Variants in YIPF6 observed in about 807,000 individuals in gnomAD.
YIPF6 encodes the protein Yip1 domain family member 6.
In YIPF6, 3 loss-of-function variants were observed where a neutral mutation model predicts 16.8. That is an observed-to-expected ratio of 0.18 (90% CI 0.08 to 0.46). YIPF6 has a LOEUF of 0.46. YIPF6 is among the 20% of genes least tolerant of loss of function. YIPF6 has a pLI of 0.98. For synonymous variants in YIPF6, 67 were observed against 61.9 expected (o/e 1.08, Z -0.38); for missense variants, 145 against 184.9 (o/e 0.78, Z 1.25).
At chrX:68,531,288 C>G (rs757142254) in intron 6 of YIPF6, among the ~76,000 whole-genome samples, 1 of 110,781 alleles carries the variant, frequency 9.0e-6, no homozygotes, top group South Asian at 3.9e-4. Context: ...CCACACCTGG[C>G]TAATTTTTGT....
At chrX:68,500,403 C>T (rs2079036700) in intron 1 of YIPF6, among the ~76,000 whole-genome samples, 1 of 110,618 alleles carries the variant, frequency 9.0e-6, no homozygotes, top group Non-Finnish European at 1.9e-5. Flanking sequence ...GCAACCTCCA[C>T]CTCTGGGGTT....
Position 68,521,406 on chromosome X carries a change from G to A in YIPF6, c.343G>A (p.Asp115Asn). ...LQRDSADSEKDGGPQFAEVFV... is the reference protein window; with the variant it reads ...LQRDSADSEKNGGPQFAEVFV... ...AAGAGACTCTGCAGATAGTGAAAAA[G>A]ATGGAGGGCCCCAATTTGCAGAGGT... Residue 115 changes from aspartate (D) to asparagine (N), a missense_variant, in exon 5 of 7, where the codon GAT (aspartate) becomes AAT (asparagine). Physicochemically the swap from Asp to Asn is conservative, Grantham distance 23. Transcript: ENST00000462683. 2 of 1,211,158 alleles carry A rather than the reference G, an allele frequency of 1.7e-6. No individual in the cohort carries two copies. Among genetic ancestry groups the A allele is most frequent in the Non-Finnish European group, 1.1e-6 (1 of 895,206 alleles).
In YIPF6 at chrX:68,512,472, T is replaced by C. The variant is rs1244850382; in HGVS notation, c.186+495T>C. ...ATCTCAAAAAACAAAAAAAAGGTCTTAAAATGTCCAAATCTTTTTAAACCA... is the reference window on the plus strand; with the variant it reads ...ATCTCAAAAAACAAAAAAAAGGTCTCAAAATGTCCAAATCTTTTTAAACCA... On this transcript the variant is annotated intron_variant, in intron 2 of 6. Coordinates refer to ENST00000462683, the MANE Select transcript of YIPF6 (RefSeq NM_173834.4). Among the ~76,000 whole-genome samples the C allele has an allele frequency of 2.7e-5, 3 of 111,675 alleles. No homozygotes were observed. The South Asian group carries it at 1.1e-3, about 41-fold the overall frequency.
At chrX:68,521,676 G>A (rs998811260) in intron 5 of YIPF6, among the ~76,000 whole-genome samples, 179 bp downstream of exon 5, 4 of 108,210 alleles carry the variant, frequency 3.7e-5, no homozygotes, top group African/African-American at 6.8e-5. Flanking sequence ...CAGGCTCAGC[G>A]TCCCAAGTAG....
intron 6 of YIPF6, among the ~76,000 whole-genome samples, chrX:68,525,003 A>G (rs1188680196): frequency 8.9e-6 from 1 of 111,739 alleles, no homozygotes; most frequent in African/African-American, 3.3e-5. Context: ...AGTATTACCC[A>G]GTAATGGGAT....
At chrX:68,528,785 T>C (rs1447938827) in intron 6 of YIPF6, among the ~76,000 whole-genome samples, 1 of 111,897 alleles carries the variant, frequency 8.9e-6, no homozygotes, top group African/African-American at 3.2e-5. Flanking sequence ...AGAATTCTTT[T>C]CTTTAAGAAT....
At chrX:68,501,348 T>G (rs2147816445) in intron 1 of YIPF6, among the ~76,000 whole-genome samples, 1 of 112,548 alleles carries the variant, frequency 8.9e-6, no homozygotes, top group African/African-American at 3.2e-5. Context: ...TGGGTAGGAT[T>G]TGAAATTGCA....
intron 3 of YIPF6, among the ~76,000 whole-genome samples, chrX:68,515,589 A>G (rs1207081270): frequency 9.0e-6 from 1 of 111,256 alleles, no homozygotes; most frequent in Non-Finnish European, 1.9e-5. Flanking sequence ...ATTAACACGC[A>G]TGAAACTGCC....
intron 3 of YIPF6, chrX:68,514,686 G>C (rs1311354775): frequency 8.9e-6 from 1 of 112,759 alleles, no homozygotes; most frequent in Non-Finnish European, 1.9e-5. Context: ...TGGGATTACA[G>C]GCAAGAGCCA....
At chrX:68,515,154 G>C (rs898825495) in intron 3 of YIPF6, 1 of 106,876 alleles carries the variant, frequency 9.4e-6, no homozygotes, top group Admixed American at 1.0e-4. Flanking sequence ...GTGAAACCCC[G>C]TCTCTACTAA....
intron 6 of YIPF6, among the ~76,000 whole-genome samples, chrX:68,529,807 T>C (rs563229428): frequency 2.9e-4 from 33 of 112,028 alleles, no homozygotes; most frequent in African/African-American, 1.1e-3. Context: ...CAGCAGAGGC[T>C]GCAGAACAGC....
At chrX:68,502,786 G>A (rs2079045322) in intron 1 of YIPF6, among the ~76,000 whole-genome samples, 1 of 110,254 alleles carries the variant, frequency 9.1e-6, no homozygotes, top group Non-Finnish European at 1.9e-5. Context: ...TATTTAGGGG[G>A]CAGGAAGAAG....
At chrX:68,521,108 T>TA (rs1192341672) in intron 4 of YIPF6, among the ~76,000 whole-genome samples, 3 of 111,134 alleles carry the variant, frequency 2.7e-5, no homozygotes, top group South Asian at 3.7e-4. Context: ...AACCTCTGCT[T>TA]AAAAAAAAGG....
chrX:68,529,386 TC>T (rs1042508833), intron 6 of YIPF6, among the ~76,000 whole-genome samples: 1 of 110,570 alleles, frequency 9.0e-6, no homozygotes, highest in African/African-American at 3.3e-5. Context: ...TAACCTTTCT[TC>T]AAGGTGGTTA....
rs1158361690 is a variant in YIPF6, at chrX:68,536,605, C to T, written c.*4606C>T. ...ACCTGAAATGAATACACCCTTCCCC[C>T]AAGGTATTTTCCCTATTGTTAGCCT... On this transcript the variant is annotated 3_prime_UTR_variant, in exon 7 of 7. Coordinates refer to ENST00000462683, the MANE Select transcript of YIPF6 (RefSeq NM_173834.4). 1 of 111,048 alleles carries T rather than the reference C, an allele frequency of 9.0e-6. No individual in the cohort carries two copies. The highest frequency in any genetic ancestry group is 3.3e-5 in the African/African-American group (1 of 30,503). The allele number at this position is 111,048 out of a possible 1,213,427, so 9.2% of individuals were successfully genotyped here.
At chrX:68,511,687 A>T (rs747629493) in intron 1 of YIPF6, 162 bp from the exon 2 acceptor site, 39 of 450,481 alleles carry the variant, frequency 8.7e-5, no homozygotes, top group Non-Finnish European at 1.3e-4. Context: ...AAATTTGAGG[A>T]TTATTGTTAA....
intron 1 of YIPF6, among the ~76,000 whole-genome samples, chrX:68,500,584 G>A (rs888267013): frequency 1.8e-4 from 20 of 111,520 alleles, no homozygotes; most frequent in African/African-American, 5.9e-4. Flanking sequence ...CAAAGTGCTG[G>A]GACACAGGTG....
intron 1 of YIPF6, 26 bp from the exon 2 acceptor site, chrX:68,511,823 A>C: frequency 8.4e-7 from 1 of 1,187,942 alleles, no homozygotes. Context: ...TTACAGGCTT[A>C]CTTTTTTTCC....
intron 6 of YIPF6, among the ~76,000 whole-genome samples, chrX:68,524,908 A>G (rs2079141551): frequency 8.9e-6 from 1 of 111,837 alleles, no homozygotes; most frequent in African/African-American, 3.3e-5. Flanking sequence ...TATCCAGTCT[A>G]TCATTGATGG....
Sources: gnomAD v4.1 joint callset for allele counts (sites outside exome capture counted in the v4.1 genomes callset) on GRCh38, gnomAD v4.1.1 for gene constraint, MANE v1.5 for transcripts, NCBI Gene and HGNC (gene_info 2026-07-23, HGNC 2026-07-21) for gene names.